SPOCK1: variants seen among roughly 807,000 people sequenced by gnomAD.
SPOCK1 encodes SPARC (osteonectin), cwcv and kazal like domains proteoglycan 1.
In SPOCK1, 23 loss-of-function variants were observed where a neutral mutation model predicts 55.3. The ratio of observed to expected loss-of-function variants is 0.42; its 90% CI spans 0.30 to 0.59. The LOEUF (loss-of-function observed/expected upper bound fraction) is 0.59, where lower values mean the gene tolerates loss of function less well. Among genes scored for constraint, SPOCK1 ranks in the 20% least tolerant of loss-of-function variants. The pLI is 0.22. For missense variants in SPOCK1, 499 were observed against 552.5 expected (o/e 0.90, Z 0.97); for synonymous variants, 226 against 221.0 (o/e 1.02, Z -0.20).
chr5:137,463,204 C>A (rs1005086523), intron 2 of SPOCK1, among the ~76,000 whole-genome samples: 1 of 152,140 alleles, frequency 6.6e-6, no homozygotes, highest in Non-Finnish European at 1.5e-5. Context: ...AGGAAATCAG[C>A]ATTTTAAAGA....
At chr5:137,180,173 C>A (rs1462238393) in intron 3 of SPOCK1, among the ~76,000 whole-genome samples, 1 of 152,182 alleles carries the variant, frequency 6.6e-6, no homozygotes, top group Non-Finnish European at 1.5e-5. Context: ...CATCTCTGTA[C>A]CTACCTGCAC....
intron 4 of SPOCK1, among the ~76,000 whole-genome samples, chr5:137,121,178 C>T (rs771773206): frequency 5.3e-5 from 8 of 152,114 alleles, no homozygotes; most frequent in African/African-American, 9.7e-5. Flanking sequence ...ATTAAATGTA[C>T]GTCCCATAAC....
At chr5:137,174,930 G>A (rs902575775) in intron 3 of SPOCK1, among the ~76,000 whole-genome samples, 1 of 152,146 alleles carries the variant, frequency 6.6e-6, no homozygotes, top group Non-Finnish European at 1.5e-5. Context: ...AACCTTGCTA[G>A]AGGCCAAGGC....
At chr5:137,194,367 A>G (rs1293218445) in intron 3 of SPOCK1, among the ~76,000 whole-genome samples, 1 of 152,178 alleles carries the variant, frequency 6.6e-6, no homozygotes, top group Non-Finnish European at 1.5e-5. Flanking sequence ...GAAGTGAAAG[A>G]GCGTTTCAGG....
At chr5:137,194,122 C>A (rs73304855) in intron 3 of SPOCK1, among the ~76,000 whole-genome samples, 1 of 152,112 alleles carries the variant, frequency 6.6e-6, no homozygotes, top group African/African-American at 2.4e-5. Flanking sequence ...AATGGCGAAG[C>A]ATTTAATTGC....
chr5:137,396,631 C>A (rs1357184249), intron 2 of SPOCK1, among the ~76,000 whole-genome samples: 1 of 152,214 alleles, frequency 6.6e-6, no homozygotes, highest in Non-Finnish European at 1.5e-5. Context: ...TAGGGGAAGG[C>A]AATGAACATT....
intron 2 of SPOCK1, among the ~76,000 whole-genome samples, chr5:137,454,624 T>C (rs1753325618): frequency 6.6e-6 from 1 of 152,172 alleles, no homozygotes; most frequent in Non-Finnish European, 1.5e-5. Flanking sequence ...CTCACAGTGA[T>C]TTGTATTCTC....
At chr5:137,285,578 T>C (rs1309569155) in intron 2 of SPOCK1, among the ~76,000 whole-genome samples, 2 of 152,198 alleles carry the variant, frequency 1.3e-5, no homozygotes, top group African/African-American at 4.8e-5. Flanking sequence ...TTAGAAATCA[T>C]CAAGAGCCAC....
At chr5:137,070,820 C>T (rs113142830) in intron 5 of SPOCK1, among the ~76,000 whole-genome samples, 1 of 152,086 alleles carries the variant, frequency 6.6e-6, no homozygotes, top group African/African-American at 2.4e-5. Flanking sequence ...CTGCAGCATC[C>T]CCTCTCCTGT....
chr5:137,144,613 C>A (rs1284822170), intron 3 of SPOCK1, among the ~76,000 whole-genome samples: 1 of 152,184 alleles, frequency 6.6e-6, no homozygotes, highest in African/African-American at 2.4e-5. Context: ...TGTGTCATTT[C>A]CATTTAAACT....
chr5:137,437,911 CA>C (rs1752897996), intron 2 of SPOCK1, among the ~76,000 whole-genome samples: 1 of 152,166 alleles, frequency 6.6e-6, no homozygotes, highest in African/African-American at 2.4e-5. Flanking sequence ...AGTAACTCCC[CA>C]TTCCCTCTCC....
chr5:137,322,555 G>A (rs916357315), intron 2 of SPOCK1, among the ~76,000 whole-genome samples: 1 of 152,032 alleles, frequency 6.6e-6, no homozygotes, highest in Admixed American at 6.6e-5. Context: ...ACAGAGGGGA[G>A]AAGTCAAAGA....
In SPOCK1 at chr5:137,361,484, T is replaced by C. The variant is rs535873177; in HGVS notation, c.187-94429A>G. Reference sequence around the variant, plus strand: ...GTGGGTGGAAGCATGTGTACGTGCATAGATAAAAATTATGGTTTTAAAGAA... The same window carrying C: ...GTGGGTGGAAGCATGTGTACGTGCACAGATAAAAATTATGGTTTTAAAGAA... On this transcript the variant is annotated intron_variant, in intron 2 of 10. Coordinates refer to ENST00000394945, the MANE Select transcript of SPOCK1 (RefSeq NM_004598.4). 1.1e-4 allele frequency among the ~76,000 whole-genome samples: 17 copies of C among 152,268 alleles called. No individual in the cohort carries two copies. The South Asian group carries it at 3.3e-3, about 30-fold the overall frequency.
chr5:137,127,937 T>G (rs547275565), intron 4 of SPOCK1, among the ~76,000 whole-genome samples: 1 of 152,358 alleles, frequency 6.6e-6, no homozygotes, highest in African/African-American at 2.4e-5. Context: ...ATTTTGCATA[T>G]GAAAAGGACA....
rs1486452432 is a variant in SPOCK1, at chr5:136,977,780, GCA to G, written c.*872_*873del. ...AGAGGCTTTCAGTAACTCTGCTGAT[GCA>G]CAGAGAAGAGACTTCCTCAGCCTGC... On this transcript the variant is annotated 3_prime_UTR_variant, in exon 11 of 11. Transcript: ENST00000394945. The G allele has an allele frequency of 5.0e-6, 2 of 398,894 alleles. No homozygotes were observed. The highest frequency in any genetic ancestry group is 4.4e-5 in the Admixed American group (1 of 22,716). 24.7% of individuals were successfully genotyped at this position (398,894 alleles called of 1,614,324 possible).
intron 2 of SPOCK1, among the ~76,000 whole-genome samples, chr5:137,307,478 G>T (rs1757717345): frequency 2.0e-5 from 3 of 152,190 alleles, no homozygotes. Context: ...GCTGCACTAT[G>T]CTGAAGCTTC....
At chr5:137,020,756 T>C (rs1751550008) in intron 6 of SPOCK1, among the ~76,000 whole-genome samples, 2 of 151,734 alleles carry the variant, frequency 1.3e-5, no homozygotes, top group Admixed American at 1.3e-4. Flanking sequence ...AGAAGAGACA[T>C]GAACAGGAAC....
intron 2 of SPOCK1, among the ~76,000 whole-genome samples, chr5:137,488,646 A>G (rs1580955517): frequency 6.6e-6 from 1 of 152,194 alleles, no homozygotes; most frequent in Non-Finnish European, 1.5e-5. Context: ...AGACGAGTAC[A>G]GCTGAAATAA....
intron 2 of SPOCK1, among the ~76,000 whole-genome samples, chr5:137,478,961 C>T (rs966561846): frequency 4.6e-5 from 7 of 151,998 alleles, no homozygotes; most frequent in Non-Finnish European, 1.0e-4. Context: ...TTACTCCACA[C>T]CAGGCCTCCC....
Sources: allele counts gnomAD v4.1 joint callset (sites outside exome capture counted in the v4.1 genomes callset), GRCh38; gene constraint gnomAD v4.1.1; transcripts MANE v1.5; gene names NCBI Gene and HGNC (gene_info 2026-07-23, HGNC 2026-07-21).